The following ACLY variants were observed in gnomAD, a reference collection of about 807,000 sequenced individuals.
ACLY encodes the protein ATP-citrate synthase.
Under a neutral mutation model 133.0 loss-of-function variants are expected in ACLY, and 41 were observed. That is an observed-to-expected ratio of 0.31 (90% CI 0.24 to 0.40). ACLY has a LOEUF of 0.40. Among genes scored for constraint, ACLY ranks in the 10% least tolerant of loss-of-function variants. The pLI is 1.00. For missense variants in ACLY, 1,046 were observed against 1,453.8 expected, an observed-to-expected ratio of 0.72 and a Z score of 4.56; for synonymous variants, 495 against 549.3, an observed-to-expected ratio of 0.90 and a Z score of 1.38.
intron 15 of ACLY, 143 bp from the exon 16 acceptor site, chr17:41,892,590 C>A: frequency 1.4e-6 from 1 of 726,544 alleles, no homozygotes. Flanking sequence ...GGACAAAGAT[C>A]CCCCAGGAAT....
chr17:41,929,979 C>T (rs1475355761), intron 1 of ACLY, among the ~76,000 whole-genome samples: 1 of 152,120 alleles, frequency 6.6e-6, no homozygotes, highest in African/African-American at 2.4e-5. Context: ...GTTAAGCAAG[C>T]TACTTAGGGT....
Position 41,885,989 on chromosome 17 carries a change from C to T in ACLY, c.2072+123G>A, listed in dbSNP as rs1273660203. 24 of 944,206 alleles carry T rather than the reference C, an allele frequency of 2.5e-5. 1 individual carries two copies. The African/African-American group carries it at 2.8e-4, about 11-fold the overall frequency. 58.5% of individuals were successfully genotyped at this position (944,206 alleles called of 1,614,324 possible). On this transcript the variant is annotated intron_variant, in intron 18 of 28. Transcript: ENST00000352035. ...GAGCAGTGATGCCCCATTGTTTAGA[C>T]TTCAGCAGCATTCCTGCGGGCCTGG...
At chr17:41,912,111 CAAAAA>C (rs1338754693) in intron 3 of ACLY, among the ~76,000 whole-genome samples, 1 of 68,246 alleles carries the variant, frequency 1.5e-5, no homozygotes, top group Non-Finnish European at 3.2e-5. Context: ...AAGACCCTGT[CAAAAA>C]AAAAAAAAAA....
chr17:41,900,905 T>C (rs1181865247), intron 11 of ACLY, among the ~76,000 whole-genome samples: 1 of 151,976 alleles, frequency 6.6e-6, no homozygotes, highest in Non-Finnish European at 1.5e-5. Flanking sequence ...AGAGTCACCA[T>C]GGCGCTGCTC....
intron 3 of ACLY, 29 bp from the exon 4 acceptor site, chr17:41,910,313 C>T (rs2049862562): frequency 6.2e-7 from 1 of 1,603,978 alleles, no homozygotes; most frequent in Non-Finnish European, 8.5e-7. Context: ...AGATGAAACT[C>T]AGAGGGACAG....
rs1555629637 is a variant in ACLY at position 41,893,021 on chromosome 17, G to T, written c.1601+12C>A. Reference sequence around the variant, plus strand: ...AGAGGAAGGAGATATTTCCCGCCATGGGGTAACTCACGTGAAAGGGTAGAC... The same window carrying T: ...AGAGGAAGGAGATATTTCCCGCCATTGGGTAACTCACGTGAAAGGGTAGAC... On this transcript the variant is annotated intron_variant, in intron 15 of 28. Coordinates refer to ENST00000352035, the MANE Select transcript of ACLY (RefSeq NM_001096.3). 1 of 1,611,080 alleles carries T rather than the reference G, an allele frequency of 6.2e-7. No individual in the cohort carries two copies. Among genetic ancestry groups the T allele is most frequent in the Non-Finnish European group, 8.5e-7 (1 of 1,178,126 alleles).
At chr17:41,888,717 A>G (rs2049119788) in intron 16 of ACLY, among the ~76,000 whole-genome samples, 1 of 152,034 alleles carries the variant, frequency 6.6e-6, no homozygotes, top group Non-Finnish European at 1.5e-5. Context: ...GAGACCCGGT[A>G]GGAGGATCAA....
intron 6 of ACLY, among the ~76,000 whole-genome samples, chr17:41,908,242 C>CT (rs1187852842): frequency 2.0e-5 from 3 of 152,178 alleles, no homozygotes; most frequent in Non-Finnish European, 4.4e-5. Flanking sequence ...GCCACTCTCC[C>CT]TCAACACCAC....
At chr17:41,906,724 T>C in intron 7 of ACLY, 78 bp from the exon 8 acceptor site, 4 of 1,312,554 alleles carry the variant, frequency 3.0e-6, no homozygotes, top group Non-Finnish European at 4.4e-6. Context: ...CCCTCCCCGC[T>C]TTCCCTGGAA....
At chr17:41,884,407 G>A in intron 18 of ACLY, 133 bp from the exon 19 acceptor site, 1 of 631,634 alleles carries the variant, frequency 1.6e-6, no homozygotes. Context: ...AGGGTCCAGA[G>A]ATGCCCCAGC....
chr17:41,896,140 GA>G (rs2049359343), intron 14 of ACLY, among the ~76,000 whole-genome samples: 1 of 152,194 alleles, frequency 6.6e-6, no homozygotes, highest in Non-Finnish European at 1.5e-5. Context: ...TGGCAGTGGT[GA>G]AGCCGAGGCA....
At chr17:41,890,221 T>C (rs2049167252) in intron 16 of ACLY, among the ~76,000 whole-genome samples, 1 of 152,170 alleles carries the variant, frequency 6.6e-6, no homozygotes, top group African/African-American at 2.4e-5. Context: ...CATACCGTCA[T>C]AGCAGCAGTC....
chr17:41,872,942 G>A (rs2048635420), intron 23 of ACLY, among the ~76,000 whole-genome samples: 1 of 152,186 alleles, frequency 6.6e-6, no homozygotes, highest in Admixed American at 6.5e-5. Context: ...GTCCAAAGCA[G>A]GACCAAGACC....
At chr17:41,887,839 G>A (rs1204476991) in intron 16 of ACLY, 136 bp from the exon 17 acceptor site, 3 of 699,750 alleles carry the variant, frequency 4.3e-6, no homozygotes, top group Non-Finnish European at 7.5e-6. Flanking sequence ...TTAACAATAT[G>A]CATATCAGCC....
At position 41,898,680 on chromosome 17, in the gene ACLY, G is replaced by C; in HGVS notation, c.1289C>G (p.Thr430Arg). 6.2e-7 allele frequency: 1 copy of C among 1,613,928 alleles called. No homozygotes were observed. The highest frequency in any genetic ancestry group is 8.5e-7 in the Non-Finnish European group (1 of 1,179,934). ...GHRPIPNQPPTAAHTANFLLN... is the reference protein window; with the variant it reads ...GHRPIPNQPPRAAHTANFLLN... Reference sequence around the variant, plus strand: ...GAGGAAGTTTGCAGTGTGGGCCGCTGTGGGTGGCTGGTTGGGGATGGGCCG... The same window carrying C: ...GAGGAAGTTTGCAGTGTGGGCCGCTCTGGGTGGCTGGTTGGGGATGGGCCG... The change falls in exon 12 of 29, where the codon ACA (threonine) becomes AGA (arginine). Residue 430 changes from threonine to arginine, a missense_variant. By Grantham distance (71) the Thr-to-Arg change is moderately conservative (BLOSUM62 -1). Around this residue, in one of 4 missense-constraint regions of ACLY, gnomAD observed 575 missense variants for 804.2 expected, o/e 0.71. Coordinates refer to ENST00000352035, the MANE Select transcript of ACLY (RefSeq NM_001096.3).
At chr17:41,885,823 C>A (rs1597992403) in intron 18 of ACLY, among the ~76,000 whole-genome samples, 1 of 152,276 alleles carries the variant, frequency 6.6e-6, no homozygotes, top group Non-Finnish European at 1.5e-5. Context: ...TCAGAACTGG[C>A]CCTCCTAACC....
rs1555627811 is a variant in ACLY, at chr17:41,884,253, C to A, written c.2094G>T (p.Met698Ile). The change falls in exon 19 of 29, where the codon ATG becomes ATT. Residue 698 changes from methionine (M) to isoleucine (I), a missense_variant. Around this residue, in one of 4 missense-constraint regions of ACLY, gnomAD observed 575 missense variants for 804.2 expected, o/e 0.71. Coordinates refer to ENST00000352035, the MANE Select transcript of ACLY (RefSeq NM_001096.3). ...TGTCCTGATAGCGTAACACATGATC[C>A]ATGAATGTGGAGCCCGGGTACCTGT... ...GGDRYPGSTF[M>I]DHVLRYQDTP... 1 of 1,612,082 alleles carries A rather than the reference C, an allele frequency of 6.2e-7. No homozygotes were observed. The highest frequency in any genetic ancestry group is 8.5e-7 in the Non-Finnish European group (1 of 1,178,412).
intron 14 of ACLY, 26 bp from the exon 15 acceptor site, chr17:41,893,200 C>T (rs782391968): frequency 2.5e-6 from 4 of 1,598,766 alleles, no homozygotes; most frequent in African/African-American, 1.3e-5. Flanking sequence ...ACAGAGAGTG[C>T]ACCCAGAACA....
At chr17:41,883,984 T>C (rs1423174481) in intron 19 of ACLY, among the ~76,000 whole-genome samples, 1 of 151,998 alleles carries the variant, frequency 6.6e-6, no homozygotes, top group Non-Finnish European at 1.5e-5. Flanking sequence ...GCGCTAAAGT[T>C]TGGGATGCTG....
Sources: allele counts gnomAD v4.1 joint callset (sites outside exome capture counted in the v4.1 genomes callset), GRCh38; gene constraint gnomAD v4.1.1; regional missense constraint gnomAD v4.1.1; transcripts MANE v1.5; gene names NCBI Gene and HGNC (gene_info 2026-07-23, HGNC 2026-07-21).